The following WDR47 variants were observed in gnomAD, a reference collection of about 807,000 sequenced individuals.
WDR47 encodes WD repeat domain 47, also known as WD repeat-containing protein 47.
In WDR47, 32 loss-of-function variants were observed where a neutral mutation model predicts 97.2. That is an observed-to-expected ratio of 0.33 (90% CI 0.25 to 0.44). The LOEUF is 0.44. WDR47 is among the 20% of genes least tolerant of loss of function. The pLI, the probability that WDR47 is intolerant of heterozygous loss-of-function variation, is 1.00. For synonymous variants in WDR47, 375 were observed against 373.5 expected, an observed-to-expected ratio of 1.00 and a Z score of -0.05; for missense variants, 782 against 1,102.3, an observed-to-expected ratio of 0.71 and a Z score of 4.11.
intron 13 of WDR47, among the ~76,000 whole-genome samples, chr1:108,978,776 A>G (rs1571137712): frequency 1.3e-5 from 2 of 152,346 alleles, no homozygotes; most frequent in East Asian, 3.9e-4. Context: ...CATGACACTG[A>G]GAGCTGAAGC....
At chr1:108,996,309 C>T (rs933702420) in intron 7 of WDR47, among the ~76,000 whole-genome samples, 6 of 152,112 alleles carry the variant, frequency 3.9e-5, no homozygotes, top group Admixed American at 6.6e-5. Flanking sequence ...TCCTGCCTTC[C>T]GCCCAAAGTG....
chr1:108,987,102 T>A, intron 9 of WDR47: 1 of 193,206 alleles, frequency 5.2e-6, no homozygotes, highest in Non-Finnish European at 1.2e-5. Flanking sequence ...TTCTCTAAGC[T>A]TCATTACAGC....
At chr1:109,027,729 G>A (rs1354726833) in intron 1 of WDR47, among the ~76,000 whole-genome samples, 1 of 151,724 alleles carries the variant, frequency 6.6e-6, no homozygotes, top group Admixed American at 6.6e-5. Flanking sequence ...TCACCATCTT[G>A]GCAGGGCTGG....
At chr1:109,017,674 C>T in intron 2 of WDR47, 73 bp from the exon 3 acceptor site, 1 of 1,109,916 alleles carries the variant, frequency 9.0e-7, no homozygotes, top group Non-Finnish European at 1.3e-6. Flanking sequence ...GAACAGATGA[C>T]AAAACAGCAT....
chr1:108,993,646 C>G (rs926909940), intron 8 of WDR47, among the ~76,000 whole-genome samples: 1 of 152,058 alleles, frequency 6.6e-6, no homozygotes, highest in Non-Finnish European at 1.5e-5. Context: ...TCTATCTAGA[C>G]CTACATAAAG....
chr1:108,978,898 C>A (rs1399613047), intron 13 of WDR47, among the ~76,000 whole-genome samples: 1 of 152,066 alleles, frequency 6.6e-6, no homozygotes, highest in Non-Finnish European at 1.5e-5. Flanking sequence ...AAGTTAAAGA[C>A]TGAGGGTAAG....
chr1:109,020,985 G>GA (rs1475318921), intron 2 of WDR47, among the ~76,000 whole-genome samples: 1 of 151,624 alleles, frequency 6.6e-6, no homozygotes, highest in East Asian at 1.9e-4. Context: ...CTCCTGGGAG[G>GA]AACACTTCAT....
At chr1:109,007,428 TG>T (rs758422167) in intron 5 of WDR47, among the ~76,000 whole-genome samples, 10 of 152,158 alleles carry the variant, frequency 6.6e-5, no homozygotes, top group African/African-American at 2.4e-4. Context: ...CCCAAAGTGC[TG>T]GGATTACAGG....
chr1:109,017,055 C>T (rs897286600), intron 3 of WDR47, among the ~76,000 whole-genome samples: 2 of 152,176 alleles, frequency 1.3e-5, no homozygotes, highest in Admixed American at 6.6e-5. Flanking sequence ...TTTGAAGCTG[C>T]AGTGCCACAT....
rs188234910 is a variant in WDR47, at chr1:109,026,045, A to G, written c.-9-2524T>C. Among the ~76,000 whole-genome samples, 322 of 150,272 alleles carry G rather than the reference A, an allele frequency of 2.1e-3. 2 individuals are homozygous for G. The highest frequency in any genetic ancestry group is 7.6e-3 in the African/African-American group (307 of 40,546). ...AAATAAGTTAAGATTTCCACTCACT[A>G]AATTCTTTTTTTTTTTTTAAAGACA... On this transcript the variant is annotated intron_variant, in intron 1 of 14. Transcript: ENST00000369962.
At position 108,971,547 on chromosome 1, in the gene WDR47, G is replaced by A. The variant is rs369732065; in HGVS notation, c.2643C>T (p.Ile881=). Residue 881 remains isoleucine, a synonymous_variant, in exon 15 of 15, where the codon ATC becomes ATT. Transcript: ENST00000369962. Reference sequence around the variant, plus strand: ...TGTCCTTGTGCTCCCCCACCACCATGATAGGAAGCTGCTTGGTGAGGTCCC... The same window carrying A: ...TGTCCTTGTGCTCCCCCACCACCATAATAGGAAGCTGCTTGGTGAGGTCCC... The part of the protein sequence containing the change: ...LQGDLTKQLP[I]MVVGEHKDKV... The A allele has an allele frequency of 1.2e-6, 2 of 1,614,048 alleles. No homozygotes were observed. Among genetic ancestry groups the A allele is most frequent in the African/African-American group, 2.7e-5 (2 of 74,916 alleles).
chr1:109,015,332 T>C (rs933375293), intron 3 of WDR47, among the ~76,000 whole-genome samples: 4 of 152,182 alleles, frequency 2.6e-5, no homozygotes, highest in African/African-American at 9.6e-5. Context: ...TGTTTATTGA[T>C]TGACTGATTG....
At chr1:109,018,941 T>C (rs532688927) in intron 2 of WDR47, among the ~76,000 whole-genome samples, 1 of 152,240 alleles carries the variant, frequency 6.6e-6, no homozygotes, top group South Asian at 2.1e-4. Context: ...TGGTGGTACA[T>C]GCCTGTAGTC....
At chr1:109,020,037 G>A (rs1040324413) in intron 2 of WDR47, among the ~76,000 whole-genome samples, 3 of 151,718 alleles carry the variant, frequency 2.0e-5, no homozygotes, top group Non-Finnish European at 4.4e-5. Context: ...TTTGAGGCCA[G>A]GAGTTCAAGA....
intron 4 of WDR47, among the ~76,000 whole-genome samples, chr1:109,013,401 G>T (rs1661185598): frequency 6.6e-6 from 1 of 151,202 alleles, no homozygotes; most frequent in Non-Finnish European, 1.5e-5. Context: ...TAATCAAAAT[G>T]AATTTAATTT....
At chr1:108,980,540 C>A (rs1049627789) in intron 13 of WDR47, among the ~76,000 whole-genome samples, 3 of 151,776 alleles carry the variant, frequency 2.0e-5, no homozygotes, top group Non-Finnish European at 4.4e-5. Flanking sequence ...ACCAGCCTGG[C>A]CAATATGGTG....
chr1:108,977,890 AGG>A (rs1658040932), intron 13 of WDR47, among the ~76,000 whole-genome samples: 1 of 151,926 alleles, frequency 6.6e-6, no homozygotes, highest in Admixed American at 6.6e-5. Flanking sequence ...AGGCTGAGGC[AGG>A]AGAATCACTT....
intron 5 of WDR47, among the ~76,000 whole-genome samples, chr1:109,007,221 CAAAAA>C (rs542534921): frequency 1.1e-5 from 1 of 92,028 alleles, no homozygotes; most frequent in Non-Finnish European, 2.3e-5. Context: ...AATGTATACT[CAAAAA>C]AAAAAAAAAA....
At position 109,017,591 on chromosome 1, in the gene WDR47, G is replaced by T; in HGVS notation, c.169C>A (p.Leu57Ile). The change falls in exon 3 of 15, where the codon CTT (leucine) becomes ATT (isoleucine). Residue 57 changes from leucine to isoleucine, a missense_variant. Physicochemically the swap from Leu to Ile is conservative, Grantham distance 5 (BLOSUM62 2). This residue lies in a region of WDR47 where 428 missense variants were observed against 584.3 expected (regional missense o/e 0.73). Coordinates refer to ENST00000369962, the MANE Select transcript of WDR47 (RefSeq NM_001142551.2). The stretch of plus-strand genomic sequence containing the variant: ...AGAACTTCATCCCATTGACCATCAA[G>T]TATTAGCTGCCTAAATAAAAAATTT... ...DDMLFLRQLI[L>I]DGQWDEVLQF... 1 of 1,607,616 alleles carries T rather than the reference G, an allele frequency of 6.2e-7. No individual in the cohort carries two copies. Among genetic ancestry groups the T allele is most frequent in the Non-Finnish European group, 8.5e-7 (1 of 1,178,594 alleles).
Sources: allele counts gnomAD v4.1 joint callset (sites outside exome capture counted in the v4.1 genomes callset), GRCh38; gene constraint gnomAD v4.1.1; regional missense constraint gnomAD v4.1.1; transcripts MANE v1.5; gene names NCBI Gene and HGNC (gene_info 2026-07-23, HGNC 2026-07-21).